Variants in KCNMA1 observed in about 807,000 individuals in gnomAD.
KCNMA1 encodes the protein potassium calcium-activated channel subfamily M alpha 1.
A neutral mutation model predicts 140.0 loss-of-function variants in KCNMA1; 29 were observed. The observed-to-expected ratio is 0.21, with a 90% CI of 0.15 to 0.28. KCNMA1 has a LOEUF of 0.28. KCNMA1 is among the 10% of genes least tolerant of loss of function. The pLI, the probability that KCNMA1 is intolerant of heterozygous loss-of-function variation, is 1.00. For missense variants in KCNMA1, 880 were observed against 1,602.2 expected (o/e 0.55, Z 7.70); for synonymous variants, 612 against 611.9 (o/e 1.00, Z 0.00).
In KCNMA1 at chr10:77,183,518, G is replaced by A. The variant is rs139309224; in HGVS notation, c.711C>T (p.Asn237=). ...LYFGLRFIAA[N]DKLWFWLEVN... The stretch of plus-strand genomic sequence containing the variant: ...CTTCCAGCCAGAACCACAATTTATC[G>A]TTGGCTGCAATAAACTGGGGGAAAG... Residue 237 remains asparagine, a synonymous_variant, in exon 5 of 28, where the codon AAC becomes AAT. Coordinates refer to ENST00000286628, the MANE Select transcript of KCNMA1 (RefSeq NM_001161352.2). The A allele has an allele frequency of 6.3e-5, 102 of 1,611,690 alleles. No homozygotes were observed. Among genetic ancestry groups the A allele is most frequent in the East Asian group, 6.3e-4 (28 of 44,738 alleles).
chr10:77,302,946 T>G (rs185775302), intron 2 of KCNMA1, among the ~76,000 whole-genome samples: 167 of 151,234 alleles, frequency 1.1e-3, no homozygotes, highest in African/African-American at 3.9e-3. Context: ...CAGGGGGGGG[T>G]TTCACTGGGG....
chr10:77,462,810 C>T (rs1400755443), intron 1 of KCNMA1, among the ~76,000 whole-genome samples: 1 of 152,200 alleles, frequency 6.6e-6, no homozygotes, highest in Non-Finnish European at 1.5e-5. Flanking sequence ...ATGGGGAGAG[C>T]TTGGCTCAGG....
In KCNMA1 at chr10:76,885,784, A is replaced by G; in HGVS notation, c.*1482T>C. ...CATGCACAAAGCATCTGACAACTAT[A>G]TGTTGAAAAAAGGGTATTTTTCTAC... On this transcript the variant is annotated 3_prime_UTR_variant, in exon 28 of 28. Coordinates refer to ENST00000286628, the MANE Select transcript of KCNMA1 (RefSeq NM_001161352.2). 1 of 985,216 alleles carries G rather than the reference A, an allele frequency of 1.0e-6. No homozygotes were observed. Among genetic ancestry groups the G allele is most frequent in the Non-Finnish European group, 1.2e-6 (1 of 829,728 alleles). The allele number at this position is 985,216 out of a possible 1,614,324, so 61.0% of individuals were successfully genotyped here.
At chr10:77,391,092 T>C (rs550408889) in intron 2 of KCNMA1, among the ~76,000 whole-genome samples, 22 of 152,282 alleles carry the variant, frequency 1.4e-4, no homozygotes, top group African/African-American at 5.3e-4. Context: ...AGGAAGGTGA[T>C]AGTTTCTCGA....
At chr10:77,171,386 C>T (rs370280293) in intron 5 of KCNMA1, among the ~76,000 whole-genome samples, 147 of 137,154 alleles carry the variant, frequency 1.1e-3, no homozygotes, top group East Asian at 7.5e-3. Flanking sequence ...AGTACGTGTG[C>T]GTGTGTGTGT....
chr10:77,365,347 T>C (rs1042492891), intron 2 of KCNMA1, among the ~76,000 whole-genome samples: 3 of 152,200 alleles, frequency 2.0e-5, no homozygotes, highest in African/African-American at 7.2e-5. Context: ...GCAACCTAGA[T>C]ACTTTGTCTG....
chr10:77,418,585 A>G (rs1177546095), intron 1 of KCNMA1, among the ~76,000 whole-genome samples: 1 of 152,128 alleles, frequency 6.6e-6, no homozygotes, highest in Admixed American at 6.5e-5. Context: ...CCCTGTCCCC[A>G]TCTCCAGACC....
intron 19 of KCNMA1, among the ~76,000 whole-genome samples, chr10:76,977,207 TGCC>T (rs2077887042): frequency 6.6e-6 from 1 of 152,216 alleles, no homozygotes; most frequent in Non-Finnish European, 1.5e-5. Context: ...GGATGAAACC[TGCC>T]ACATCCTGGG....
intron 1 of KCNMA1, among the ~76,000 whole-genome samples, chr10:77,497,033 C>T (rs1039184408): frequency 6.6e-6 from 1 of 152,202 alleles, no homozygotes; most frequent in Non-Finnish European, 1.5e-5. Context: ...ACAAAAGGAC[C>T]AGTGTTGCCC....
intron 1 of KCNMA1, among the ~76,000 whole-genome samples, chr10:77,424,913 G>T (rs991998706): frequency 3.3e-5 from 5 of 152,224 alleles, no homozygotes; most frequent in African/African-American, 4.8e-5. Context: ...TGATTTATTT[G>T]TTCAATGCTG....
At chr10:76,910,336 G>A (rs760127307) in intron 24 of KCNMA1, 66 of 488,948 alleles carry the variant, frequency 1.3e-4, no homozygotes, top group Admixed American at 2.5e-4. Context: ...CTTGCTCCAC[G>A]GCAGGCCACT....
chr10:77,010,789 T>C (rs1039080080), intron 18 of KCNMA1, among the ~76,000 whole-genome samples: 3 of 151,954 alleles, frequency 2.0e-5, no homozygotes, highest in Admixed American at 6.5e-5. Context: ...ACTTTAGGAA[T>C]GGTGCTCTTC....
intron 21 of KCNMA1, among the ~76,000 whole-genome samples, chr10:76,952,395 C>T (rs1371084279): frequency 6.6e-6 from 1 of 151,986 alleles, no homozygotes; most frequent in Non-Finnish European, 1.5e-5. Context: ...TGGCGCGAAC[C>T]TATAGTCCCA....
chr10:77,105,046 T>C (rs1207605129), intron 9 of KCNMA1, among the ~76,000 whole-genome samples: 1 of 152,108 alleles, frequency 6.6e-6, no homozygotes, highest in Non-Finnish European at 1.5e-5. Flanking sequence ...CTCAGAGAGA[T>C]TACCTGCCTC....
At chr10:77,581,305 A>T (rs924748883) in intron 1 of KCNMA1, among the ~76,000 whole-genome samples, 1 of 105,510 alleles carries the variant, frequency 9.5e-6, no homozygotes, top group Non-Finnish European at 1.9e-5. Context: ...TTGATACCCA[A>T]TTCTCAACAC....
At chr10:76,994,390 T>G (rs979209680) in intron 19 of KCNMA1, among the ~76,000 whole-genome samples, 6 of 152,228 alleles carry the variant, frequency 3.9e-5, no homozygotes, top group African/African-American at 1.4e-4. Flanking sequence ...ACATCCTCCC[T>G]GTGTACTCAG....
intron 6 of KCNMA1, among the ~76,000 whole-genome samples, chr10:77,120,179 G>A (rs562490973): frequency 1.4e-4 from 21 of 152,298 alleles, no homozygotes; most frequent in African/African-American, 5.1e-4. Flanking sequence ...TTTCCTAGAA[G>A]AGAAATTTAT....
chr10:77,324,260 T>G (rs954596790), intron 2 of KCNMA1, among the ~76,000 whole-genome samples: 30 of 152,158 alleles, frequency 2.0e-4, no homozygotes, highest in Non-Finnish European at 4.4e-5. Context: ...ATGGCTTCCT[T>G]CCCAGCTCTG....
intron 29 of KCNMA1, among the ~76,000 whole-genome samples, chr10:76,878,823 G>C (rs2033297733): frequency 6.6e-6 from 1 of 152,008 alleles, no homozygotes; most frequent in Non-Finnish European, 1.5e-5. Context: ...CCTCTTTCTA[G>C]GATTGAAATT....
Sources: gnomAD v4.1 joint callset for allele counts (sites outside exome capture counted in the v4.1 genomes callset) on GRCh38, gnomAD v4.1.1 for gene constraint, MANE v1.5 for transcripts, NCBI Gene and HGNC (gene_info 2026-07-23, HGNC 2026-07-21) for gene names.